Variants in NAALADL2 observed in about 807,000 individuals in gnomAD.
NAALADL2 encodes the protein inactive N-acetylated-alpha-linked acidic dipeptidase-like protein 2.
Under a neutral mutation model 87.2 loss-of-function variants are expected in NAALADL2, and 76 were observed. The ratio of observed to expected loss-of-function variants is 0.87; its 90% CI spans 0.72 to 1.05. The LOEUF (loss-of-function observed/expected upper bound fraction) is 1.05. Ranked by LOEUF, NAALADL2 falls within the 50% of genes least tolerant of loss-of-function variation. The pLI, the probability that NAALADL2 is intolerant of heterozygous loss-of-function variation, is 0.00. For missense variants in NAALADL2, 1,089 were observed against 945.8 expected, an observed-to-expected ratio of 1.15 and a Z score of -1.99; for synonymous variants, 354 against 331.0, an observed-to-expected ratio of 1.07 and a Z score of -0.75.
chr3:175,157,414 G>T (rs1732490091), intron 2 of NAALADL2, among the ~76,000 whole-genome samples: 1 of 151,778 alleles, frequency 6.6e-6, no homozygotes, highest in African/African-American at 2.4e-5. Flanking sequence ...AATAATACCA[G>T]TCAGAGTTGC....
chr3:174,733,796 G>A (rs969877213), intron 2 of NAALADL2, among the ~76,000 whole-genome samples: 6 of 152,168 alleles, frequency 3.9e-5, no homozygotes, highest in Non-Finnish European at 7.3e-5. Flanking sequence ...TTATGTAGCA[G>A]GGAAGAAATG....
intron 1 of NAALADL2, among the ~76,000 whole-genome samples, chr3:174,951,890 T>G (rs1740424157): frequency 6.6e-6 from 1 of 152,126 alleles, no homozygotes; most frequent in Non-Finnish European, 1.5e-5. Context: ...CTTGGTCTGT[T>G]ATTATTCCCC....
At chr3:174,541,580 A>G (rs1722226158) in intron 1 of NAALADL2, among the ~76,000 whole-genome samples, 1 of 152,190 alleles carries the variant, frequency 6.6e-6, no homozygotes, top group East Asian at 1.9e-4. Context: ...AATACACTGG[A>G]TGCTATGAAA....
intron 1 of NAALADL2, among the ~76,000 whole-genome samples, chr3:174,454,989 A>G (rs1715737872): frequency 6.6e-6 from 1 of 151,442 alleles, no homozygotes; most frequent in Non-Finnish European, 1.5e-5. Context: ...ATAGGCCCCT[A>G]GCTATACTAA....
At chr3:175,763,505 T>C (rs1475906920) in intron 13 of NAALADL2, among the ~76,000 whole-genome samples, 1 of 152,190 alleles carries the variant, frequency 6.6e-6, no homozygotes, top group Non-Finnish European at 1.5e-5. Flanking sequence ...TACATAGTCT[T>C]AAAATGAGAG....
rs1237736603 is a variant in NAALADL2, at chr3:175,423,987, G to A, written c.1091-23242G>A. 7.2e-5 allele frequency among the ~76,000 whole-genome samples: 11 copies of A among 152,138 alleles called. 1 individual carries two copies. The South Asian group carries it at 2.3e-3, about 32-fold the overall frequency. On this transcript the variant is annotated intron_variant, in intron 5 of 13. Transcript: ENST00000454872. ...CTGGTGTGAGATGGCATCTCATTGTGGTTTTGATTTGCATTTCTCTGACGG... is the reference window on the plus strand; with the variant it reads ...CTGGTGTGAGATGGCATCTCATTGTAGTTTTGATTTGCATTTCTCTGACGG...
intron 3 of NAALADL2, among the ~76,000 whole-genome samples, chr3:174,851,188 A>C (rs1318922136): frequency 2.0e-5 from 3 of 152,054 alleles, no homozygotes; most frequent in Admixed American, 2.0e-4. Flanking sequence ...CTAATGATTC[A>C]TCTTAAAGAA....
intron 1 of NAALADL2, among the ~76,000 whole-genome samples, chr3:174,948,931 C>G (rs962539019): frequency 4.6e-5 from 7 of 152,106 alleles, no homozygotes; most frequent in Non-Finnish European, 1.0e-4. Context: ...CAGGGAAGTC[C>G]AAGATCAAGG....
At chr3:174,682,009 C>T (rs546503012) in intron 2 of NAALADL2, among the ~76,000 whole-genome samples, 3 of 152,076 alleles carry the variant, frequency 2.0e-5, no homozygotes, top group African/African-American at 7.2e-5. Context: ...AGGCAGTACT[C>T]ACCACACACT....
chr3:175,280,464 C>T (rs909459856), intron 4 of NAALADL2, among the ~76,000 whole-genome samples: 2 of 152,028 alleles, frequency 1.3e-5, no homozygotes, highest in African/African-American at 4.8e-5. Context: ...ATTATACATT[C>T]GTAGTAAACT....
intron 2 of NAALADL2, among the ~76,000 whole-genome samples, chr3:174,682,561 CTGTT>C (rs1359506746): frequency 1.3e-5 from 2 of 152,184 alleles, no homozygotes; most frequent in African/African-American, 2.4e-5. Flanking sequence ...CACAGAGAGA[CTGTT>C]TGGGAGAAAG....
intron 2 of NAALADL2, among the ~76,000 whole-genome samples, chr3:174,616,766 G>A (rs185855773): frequency 7.2e-5 from 11 of 151,892 alleles, no homozygotes; most frequent in Admixed American, 4.6e-4. Flanking sequence ...TAGAAAAAGC[G>A]AATTCCAGAT....
intron 9 of NAALADL2, among the ~76,000 whole-genome samples, chr3:175,477,755 G>A (rs1355426677): frequency 6.6e-6 from 1 of 151,996 alleles, no homozygotes; most frequent in African/African-American, 2.4e-5. Context: ...GTGTTGCTCT[G>A]GGTTTGGATG....
chr3:174,766,218 G>T (rs1458445173), intron 3 of NAALADL2, among the ~76,000 whole-genome samples: 3 of 152,000 alleles, frequency 2.0e-5, no homozygotes, highest in South Asian at 2.1e-4. Flanking sequence ...TACCTTATTG[G>T]GCTGGTTTTG....
chr3:174,658,597 G>A (rs1423672551), intron 2 of NAALADL2, among the ~76,000 whole-genome samples: 1 of 152,078 alleles, frequency 6.6e-6, no homozygotes, highest in Non-Finnish European at 1.5e-5. Context: ...ATGTTTATGA[G>A]TAGGGAGAAA....
At chr3:175,023,670 T>C (rs1398906477) in intron 1 of NAALADL2, among the ~76,000 whole-genome samples, 2 of 152,108 alleles carry the variant, frequency 1.3e-5, no homozygotes, top group Non-Finnish European at 2.9e-5. Flanking sequence ...AACAAATATA[T>C]TTCTTGACAT....
intron 1 of NAALADL2, among the ~76,000 whole-genome samples, chr3:174,488,076 T>C (rs1015655831): frequency 3.3e-5 from 5 of 151,970 alleles, no homozygotes; most frequent in African/African-American, 1.2e-4. Flanking sequence ...GAAGAATAAA[T>C]TGGAGATAGC....
At chr3:174,771,786 C>T (rs898428710) in intron 3 of NAALADL2, among the ~76,000 whole-genome samples, 4 of 152,120 alleles carry the variant, frequency 2.6e-5, no homozygotes, top group African/African-American at 9.7e-5. Context: ...ACAAGGTAAT[C>T]AAACTCTGAT....
intron 7 of NAALADL2, among the ~76,000 whole-genome samples, chr3:175,466,516 T>C (rs906409888): frequency 1.3e-5 from 2 of 152,208 alleles, no homozygotes; most frequent in African/African-American, 4.8e-5. Context: ...AGTTGGAAGC[T>C]GTAATTAATT....
Sources: allele counts gnomAD v4.1 joint callset (sites outside exome capture counted in the v4.1 genomes callset), GRCh38; gene constraint gnomAD v4.1.1; transcripts MANE v1.5; gene names NCBI Gene and HGNC (gene_info 2026-07-23, HGNC 2026-07-21).